The following PDE6A variants were observed in gnomAD, a reference collection of about 807,000 sequenced individuals.
The protein encoded by PDE6A is rod cGMP-specific 3',5'-cyclic phosphodiesterase subunit alpha.
PDE6A carries 84 observed loss-of-function variants against 106.3 expected under a neutral mutation model. The ratio of observed to expected loss-of-function variants is 0.79; its 90% CI spans 0.66 to 0.95. The LOEUF is 0.95. Among genes scored for constraint, PDE6A ranks in the 40% least tolerant of loss-of-function variants. The pLI is 0.00. For missense variants in PDE6A, 1,052 were observed against 1,084.9 expected (o/e 0.97, Z 0.43); for synonymous variants, 394 against 386.6 (o/e 1.02, Z -0.23).
intron 5 of PDE6A, among the ~76,000 whole-genome samples, chr5:149,920,169 A>G (rs1352774856): frequency 6.6e-6 from 1 of 152,192 alleles, no homozygotes; most frequent in Non-Finnish European, 1.5e-5. Flanking sequence ...CTCTATATAA[A>G]AAACAAAAAC....
Position 149,924,049 on chromosome 5 carries a change from G to A in PDE6A, c.859-2340C>T, listed in dbSNP as rs144774525. Among the ~76,000 whole-genome samples the A allele has an allele frequency of 4.9e-4, 75 of 152,212 alleles. No homozygotes were observed. The Middle Eastern group carries it at 0.017, about 35-fold the overall frequency. On this transcript the variant is annotated intron_variant, in intron 4 of 21. Transcript: ENST00000255266. Reference sequence around the variant, plus strand: ...ACAACAGGAAGAAATTTAATTCTAGGTGAACATTTAGAAAACAATTTTAAT... The same window carrying A: ...ACAACAGGAAGAAATTTAATTCTAGATGAACATTTAGAAAACAATTTTAAT...
intron 17 of PDE6A, among the ~76,000 whole-genome samples, chr5:149,883,086 C>G (rs79448973): frequency 6.6e-6 from 1 of 151,942 alleles, no homozygotes; most frequent in Non-Finnish European, 1.5e-5. Context: ...AAACAAAAAC[C>G]CCTTAATTGC....
chr5:149,943,632 C>T (rs1754377809), intron 1 of PDE6A, among the ~76,000 whole-genome samples: 3 of 152,146 alleles, frequency 2.0e-5, no homozygotes, highest in Admixed American at 1.3e-4. Context: ...ATAATGGTGT[C>T]GTATCCACAT....
At chr5:149,930,848 T>C (rs966555200) in intron 4 of PDE6A, among the ~76,000 whole-genome samples, 180 bp downstream of exon 4, 1 of 152,200 alleles carries the variant, frequency 6.6e-6, no homozygotes, top group African/African-American at 2.4e-5. Flanking sequence ...GTGCCCTAGA[T>C]TGACTTTTCC....
At chr5:149,865,786 G>A (rs1233084639) in intron 20 of PDE6A, among the ~76,000 whole-genome samples, 1 of 152,228 alleles carries the variant, frequency 6.6e-6, no homozygotes, top group Non-Finnish European at 1.5e-5. Flanking sequence ...TCTCAAGAGG[G>A]AGACCAACTT....
intron 13 of PDE6A, among the ~76,000 whole-genome samples, chr5:149,891,417 C>T (rs1210601890): frequency 1.3e-5 from 2 of 152,172 alleles, no homozygotes; most frequent in African/African-American, 2.4e-5. Flanking sequence ...TTGCAGTGAG[C>T]CGAGATCACA....
intron 3 of PDE6A, among the ~76,000 whole-genome samples, chr5:149,931,500 T>A (rs1991804): frequency 0.11 from 16,028 of 152,156 alleles, 1,122 homozygotes; most frequent in Admixed American, 0.2. Context: ...AAGAATGCAC[T>A]TATTGCACAC....
chr5:149,920,423 A>C (rs537157452), intron 5 of PDE6A, among the ~76,000 whole-genome samples: 174 of 152,234 alleles, frequency 1.1e-3, no homozygotes, highest in African/African-American at 4.1e-3. Flanking sequence ...TCTACTAAAA[A>C]TACGAAAATT....
At chr5:149,883,333 TC>T in intron 17 of PDE6A, 95 bp downstream of exon 17, 1 of 820,528 alleles carries the variant, frequency 1.2e-6, no homozygotes, top group Non-Finnish European at 2.1e-6. Context: ...AATGAAATAG[TC>T]CCAAGGCTTG....
intron 19 of PDE6A, 115 bp downstream of exon 19, chr5:149,867,610 G>T: frequency 1.1e-6 from 1 of 934,382 alleles, no homozygotes; most frequent in Non-Finnish European, 1.7e-6. Context: ...CACTGCATTA[G>T]GAAAAGGTCA....
At chr5:149,891,224 C>T (rs544410869) in intron 13 of PDE6A, among the ~76,000 whole-genome samples, 471 of 152,234 alleles carry the variant, frequency 3.1e-3, no homozygotes, top group Admixed American at 5.2e-3. Flanking sequence ...AATCCCAGCC[C>T]TTTGGGAGGC....
In PDE6A at chr5:149,910,874, C is replaced by CTTTTTTT. The variant is rs386405293; in HGVS notation, c.999-3503_999-3497dup. On this transcript the variant is annotated intron_variant, in intron 6 of 21. Coordinates refer to ENST00000255266, the MANE Select transcript of PDE6A (RefSeq NM_000440.3). ...TTCCAAACAAGCCAGTTTCTTTTTC[C>CTTTTTTT]TTTTTTTTTTTTTTTTTTTTTTTGA... 1.8e-3 allele frequency among the ~76,000 whole-genome samples: 158 copies of CTTTTTTT among 87,142 alleles called. 9 individuals carry two copies. The highest frequency in any genetic ancestry group is 4.5e-3 in the African/African-American group (96 of 21,498). 57.2% of individuals were successfully genotyped at this position (87,142 alleles called of 152,430 possible). A position where few individuals can be genotyped will look rare whatever the true frequency, so the allele number is the denominator to read the frequency against.
At chr5:149,931,914 A>G (rs1286871360) in intron 3 of PDE6A, 9 of 804,184 alleles carry the variant, frequency 1.1e-5, no homozygotes, top group Non-Finnish European at 1.8e-5. Context: ...GTGGACTATA[A>G]AATGGCGTAC....
intron 3 of PDE6A, chr5:149,932,280 G>C: frequency 6.9e-7 from 1 of 1,439,692 alleles, no homozygotes. Flanking sequence ...TTCACTCGTA[G>C]ACCGCTCTCT....
chr5:149,936,637 T>C (rs1453697167), intron 1 of PDE6A, among the ~76,000 whole-genome samples: 2 of 152,180 alleles, frequency 1.3e-5, no homozygotes, highest in East Asian at 1.9e-4. Flanking sequence ...CAACTGCCAA[T>C]TGACTGGCAT....
chr5:149,900,579 G>A (rs146919996), intron 8 of PDE6A, among the ~76,000 whole-genome samples: 8 of 151,564 alleles, frequency 5.3e-5, no homozygotes, highest in Non-Finnish European at 8.8e-5. Context: ...GAGGAGAAAA[G>A]GAAGTCAAGG....
intron 3 of PDE6A, among the ~76,000 whole-genome samples, chr5:149,933,074 T>C (rs1461146085): frequency 6.6e-6 from 1 of 152,096 alleles, no homozygotes; most frequent in Non-Finnish European, 1.5e-5. Flanking sequence ...CTCACTGTAG[T>C]CTCCAACTCC....
chr5:149,877,172 A>G (rs1353873816), intron 17 of PDE6A, among the ~76,000 whole-genome samples: 2 of 152,114 alleles, frequency 1.3e-5, no homozygotes. Context: ...TAAATGAAAA[A>G]TCTTTCACCT....
chr5:149,908,697 A>G (rs539035240), intron 6 of PDE6A, among the ~76,000 whole-genome samples: 572 of 150,312 alleles, frequency 3.8e-3, no homozygotes, highest in Non-Finnish European at 6.2e-3. Flanking sequence ...TTCCTTAAAT[A>G]CTACTTTTAC....
Sources: allele counts gnomAD v4.1 joint callset (sites outside exome capture counted in the v4.1 genomes callset), GRCh38; gene constraint gnomAD v4.1.1; transcripts MANE v1.5; gene names NCBI Gene and HGNC (gene_info 2026-07-23, HGNC 2026-07-21).